ADAMTS17: variants seen among roughly 807,000 people sequenced by gnomAD.
The protein encoded by ADAMTS17 is ADAM metallopeptidase with thrombospondin type 1 motif 17.
In ADAMTS17, 113 loss-of-function variants were observed where a neutral mutation model predicts 141.5. The ratio of observed to expected loss-of-function variants is 0.80; its 90% CI spans 0.69 to 0.93. The LOEUF is 0.93. ADAMTS17 is among the 40% of genes least tolerant of loss of function. The pLI, the probability that ADAMTS17 is intolerant of heterozygous loss-of-function variation, is 0.00. For synonymous variants in ADAMTS17, 768 were observed against 630.6 expected (o/e 1.22, Z -3.27); for missense variants, 1,659 against 1,517.9 (o/e 1.09, Z -1.54).
chr15:100,199,886 G>T (rs916743700), intron 7 of ADAMTS17, among the ~76,000 whole-genome samples: 1 of 152,228 alleles, frequency 6.6e-6, no homozygotes, highest in Non-Finnish European at 1.5e-5. Flanking sequence ...CTCAGGCGAT[G>T]CCCCTGCACC....
chr15:100,261,569 T>C lies in ADAMTS17; in HGVS notation c.941A>G (p.Glu314Gly). ...LESFCHWQNE[E>G]YGGARYLGNN... is the part of the protein sequence containing the mutation. Reference sequence around the variant, plus strand: ...GCCGAGGTATCGCGCTCCTCCATACTCCTCGTTCTGCCAGTGACAGAAGCT... The same window carrying C: ...GCCGAGGTATCGCGCTCCTCCATACCCCTCGTTCTGCCAGTGACAGAAGCT... The change falls in exon 6 of 22, where the codon GAG becomes GGG. Residue 314 changes from glutamate (E) to glycine (G), a missense_variant. By Grantham distance (98) the Glu-to-Gly change is moderately conservative (BLOSUM62 -2). Coordinates refer to ENST00000268070, the MANE Select transcript of ADAMTS17 (RefSeq NM_139057.4). 3 of 1,614,120 alleles carry C rather than the reference T, an allele frequency of 1.9e-6. No individual in the cohort carries two copies. Among genetic ancestry groups the C allele is most frequent in the African/African-American group, 2.7e-5 (2 of 75,022 alleles).
chr15:100,123,615 C>G (rs1016208643), intron 12 of ADAMTS17, among the ~76,000 whole-genome samples: 2 of 152,250 alleles, frequency 1.3e-5, no homozygotes, highest in Non-Finnish European at 2.9e-5. Flanking sequence ...ACAGCCGACA[C>G]GCCCAGAGGG....
At chr15:100,160,443 G>C (rs900801112) in intron 8 of ADAMTS17, among the ~76,000 whole-genome samples, 1 of 152,096 alleles carries the variant, frequency 6.6e-6, no homozygotes, top group Non-Finnish European at 1.5e-5. Flanking sequence ...CTGGGAGGAT[G>C]GTCTCCTCAT....
intron 14 of ADAMTS17, among the ~76,000 whole-genome samples, chr15:100,100,740 G>A (rs1246219586): frequency 2.0e-5 from 3 of 149,600 alleles, no homozygotes; most frequent in Non-Finnish European, 4.4e-5. Flanking sequence ...CCTGCCTGCT[G>A]CCAGACTAAT....
chr15:100,110,544 G>A (rs2036708125), intron 13 of ADAMTS17, among the ~76,000 whole-genome samples: 1 of 151,996 alleles, frequency 6.6e-6, no homozygotes, highest in Non-Finnish European at 1.5e-5. Flanking sequence ...GATTATAGAA[G>A]TGAGCCACCG....
rs2035578415 is a variant in ADAMTS17 at position 100,093,312 on chromosome 15, G to A, written c.2137+3044C>T. ...GGTAAGAGGACCCACAGGAGTTCAG[G>A]CAGGGGTCAGGACTTCACAAAATTG... is the stretch of plus-strand genomic sequence containing the variant. On this transcript the variant is annotated intron_variant, in intron 15 of 21. Transcript: ENST00000268070. Among the ~76,000 whole-genome samples, 4 of 152,166 alleles carry A rather than the reference G, an allele frequency of 2.6e-5. No homozygotes were observed. The South Asian group carries it at 8.3e-4, about 32-fold the overall frequency.
chr15:100,289,714 T>C (rs751728390), intron 3 of ADAMTS17, among the ~76,000 whole-genome samples: 1 of 152,198 alleles, frequency 6.6e-6, no homozygotes, highest in Non-Finnish European at 1.5e-5. Context: ...GTTCAACATA[T>C]GCAAATCAAT....
intron 7 of ADAMTS17, among the ~76,000 whole-genome samples, chr15:100,244,619 G>A (rs561706352): frequency 6.6e-6 from 1 of 152,096 alleles, no homozygotes; most frequent in East Asian, 2.0e-4. Context: ...ACCTGGTGAT[G>A]GGCTCAGCCT....
At chr15:100,136,307 C>T (rs532733959) in intron 10 of ADAMTS17, among the ~76,000 whole-genome samples, 8 of 152,260 alleles carry the variant, frequency 5.3e-5, no homozygotes, top group South Asian at 4.2e-4. Flanking sequence ...CTACCTTTGT[C>T]GTCAGCTTAA....
At chr15:100,067,913 G>T (rs1331048137) in intron 15 of ADAMTS17, among the ~76,000 whole-genome samples, 1 of 152,188 alleles carries the variant, frequency 6.6e-6, no homozygotes, top group African/African-American at 2.4e-5. Flanking sequence ...GTGCAGGACA[G>T]TGGGTGCAGT....
chr15:100,085,826 T>TA (rs1474582829), intron 15 of ADAMTS17, among the ~76,000 whole-genome samples: 2 of 151,928 alleles, frequency 1.3e-5, no homozygotes, highest in Non-Finnish European at 2.9e-5. Context: ...AGGCCTGCCC[T>TA]ACAAGAGCTC....
At chr15:100,144,071 A>G (rs1226674002) in intron 10 of ADAMTS17, among the ~76,000 whole-genome samples, 2 of 152,258 alleles carry the variant, frequency 1.3e-5, no homozygotes, top group African/African-American at 4.8e-5. Context: ...GATAACCAAG[A>G]AAACAATTAA....
At chr15:100,109,893 G>C (rs957793970) in intron 13 of ADAMTS17, among the ~76,000 whole-genome samples, 3 of 151,934 alleles carry the variant, frequency 2.0e-5, no homozygotes, top group Non-Finnish European at 4.4e-5. Flanking sequence ...CTCTGAGGTG[G>C]GGCAGGAGCA....
chr15:100,061,130 C>T lies in ADAMTS17; in HGVS notation c.2138-7076G>A, dbSNP rs142868077. Among the ~76,000 whole-genome samples, 5 of 152,272 alleles carry T rather than the reference C, an allele frequency of 3.3e-5. No individual in the cohort carries two copies. In the South Asian group the frequency reaches 6.2e-4, roughly 19 times the overall value. On this transcript the variant is annotated intron_variant, in intron 15 of 21. Transcript: ENST00000268070. ...ATCTCCGTGGGATGCAGGTTTGTTCCGAAGTGCATACAACGTAGTGGCAAC... is the reference window on the plus strand; with the variant it reads ...ATCTCCGTGGGATGCAGGTTTGTTCTGAAGTGCATACAACGTAGTGGCAAC...
At chr15:100,203,357 G>C (rs768156483) in intron 7 of ADAMTS17, among the ~76,000 whole-genome samples, 1 of 152,246 alleles carries the variant, frequency 6.6e-6, no homozygotes, top group Non-Finnish European at 1.5e-5. Context: ...AGGATCGCCT[G>C]AGGTCAGGAG....
At chr15:100,306,963 C>T (rs1596487360) in intron 3 of ADAMTS17, among the ~76,000 whole-genome samples, 3 of 152,126 alleles carry the variant, frequency 2.0e-5, no homozygotes, top group Non-Finnish European at 4.4e-5. Context: ...GAAAGGAGAA[C>T]GAGGCTGAGA....
At position 99,984,430 on chromosome 15, in the gene ADAMTS17, A is replaced by G. The variant is rs2060544107; in HGVS notation, c.2950-8208T>C. On this transcript the variant is annotated intron_variant, in intron 20 of 21. Coordinates refer to ENST00000268070, the MANE Select transcript of ADAMTS17 (RefSeq NM_139057.4). ...GGAACGCACCATTTATGGGGACTGA[A>G]GCACACTCGAGGGACTGTTCTTCGA... Among the ~76,000 whole-genome samples the G allele has an allele frequency of 2.6e-5, 4 of 152,356 alleles. No homozygotes were observed. In the South Asian group the frequency reaches 8.3e-4, roughly 32 times the overall value.
chr15:100,011,924 G>A (rs1295968693), intron 18 of ADAMTS17, among the ~76,000 whole-genome samples: 3 of 152,158 alleles, frequency 2.0e-5, no homozygotes, highest in Non-Finnish European at 4.4e-5. Flanking sequence ...GGGATTGCTG[G>A]GCCAAATGGT....
chr15:100,265,547 T>C (rs2043683000), intron 4 of ADAMTS17, among the ~76,000 whole-genome samples: 1 of 152,162 alleles, frequency 6.6e-6, no homozygotes, highest in Non-Finnish European at 1.5e-5. Context: ...ACACTACGGC[T>C]TCTCTGGCTA....
Sources: allele counts gnomAD v4.1 joint callset (sites outside exome capture counted in the v4.1 genomes callset), GRCh38; gene constraint gnomAD v4.1.1; transcripts MANE v1.5; gene names NCBI Gene and HGNC (gene_info 2026-07-23, HGNC 2026-07-21).